EIF5B: variants seen among roughly 807,000 people sequenced by gnomAD.
EIF5B encodes eukaryotic translation initiation factor 5B, also known as eIF-5B.
Under a neutral mutation model 147.5 loss-of-function variants are expected in EIF5B, and 47 were observed. The observed-to-expected ratio is 0.32, with a 90% confidence interval of 0.25 to 0.41. EIF5B has a LOEUF of 0.41. EIF5B is among the 10% of genes least tolerant of loss of function. The pLI, the probability that EIF5B is intolerant of heterozygous loss-of-function variation, is 1.00. For synonymous variants in EIF5B, 455 were observed against 456.2 expected, an observed-to-expected ratio of 1.00 and a Z score of 0.03; for missense variants, 1,064 against 1,413.2, an observed-to-expected ratio of 0.75 and a Z score of 3.96.
At chr2:99,398,663 A>G in intron 22 of EIF5B, 85 bp from the exon 23 acceptor site, 1 of 1,382,412 alleles carries the variant, frequency 7.2e-7, no homozygotes, top group Non-Finnish European at 9.8e-7. Context: ...CTTTTGCTCT[A>G]GTTCTTACTT....
rs748418800 is a variant in EIF5B, at chr2:99,361,120, A to AT, written c.247-22dup. ...TCTGGTCTCAATTATAATTCTGTTAATTTTTTCTAACAATGGAAATTTTTT... is the reference window on the plus strand; with the variant it reads ...TCTGGTCTCAATTATAATTCTGTTAATTTTTTTCTAACAATGGAAATTTTTT... On this transcript the variant is annotated intron_variant, in intron 3 of 23. Transcript: ENST00000289371. 5 of 1,469,592 alleles carry AT rather than the reference A, an allele frequency of 3.4e-6. No homozygotes were observed. In the African/African-American group the frequency reaches 5.8e-5, roughly 17 times the overall value. The allele number at this position is 1,469,592 out of a possible 1,614,324, so 91.0% of individuals were successfully genotyped here. A position where few individuals can be genotyped will look rare whatever the true frequency, so the allele number is the denominator to read the frequency against.
chr2:99,344,473 G>A lies in EIF5B; in HGVS notation c.35+6884G>A, dbSNP rs528653453. Among the ~76,000 whole-genome samples, 6 of 150,856 alleles carry A rather than the reference G, an allele frequency of 4.0e-5. No individual in the cohort carries two copies. In the South Asian group the frequency reaches 1.3e-3, roughly 32 times the overall value. On this transcript the variant is annotated intron_variant, in intron 1 of 23. Transcript: ENST00000289371. ...TTTTTTTGAGACGAAGTCTCACTCT[G>A]TCACCCAGGCTGGAGTACAGTGGTG...
At chr2:99,339,819 G>T (rs1255010339) in intron 1 of EIF5B, among the ~76,000 whole-genome samples, 2 of 152,136 alleles carry the variant, frequency 1.3e-5, no homozygotes, top group African/African-American at 2.4e-5. Context: ...ATGCTGTAAA[G>T]TTTAAATTGC....
At chr2:99,369,288 T>C in intron 7 of EIF5B, 104 bp from the exon 8 acceptor site, 4 of 790,844 alleles carry the variant, frequency 5.1e-6, no homozygotes, top group Non-Finnish European at 7.4e-6. Context: ...AAATAAAAAA[T>C]AAATAGGTTT....
At chr2:99,368,890 G>A (rs1324692893) in intron 7 of EIF5B, among the ~76,000 whole-genome samples, 2 of 152,192 alleles carry the variant, frequency 1.3e-5, no homozygotes, top group East Asian at 3.8e-4. Flanking sequence ...TTAGCCTTCT[G>A]TGATTTTTGT....
At chr2:99,389,332 A>T (rs1308308006) in intron 14 of EIF5B, among the ~76,000 whole-genome samples, 1 of 152,216 alleles carries the variant, frequency 6.6e-6, no homozygotes, top group East Asian at 1.9e-4. Flanking sequence ...TAGAAAATAT[A>T]TATTTTTTAA....
At chr2:99,375,556 A>G (rs968274975) in intron 9 of EIF5B, among the ~76,000 whole-genome samples, 1 of 152,172 alleles carries the variant, frequency 6.6e-6, no homozygotes, top group African/African-American at 2.4e-5. Flanking sequence ...CTCCCAATGC[A>G]GCTTAGCCTT....
intron 21 of EIF5B, among the ~76,000 whole-genome samples, chr2:99,395,108 A>T (rs1260283136): frequency 6.6e-6 from 1 of 152,214 alleles, no homozygotes; most frequent in African/African-American, 2.4e-5. Flanking sequence ...ATCTTGGCAG[A>T]CTTGGGTCTT....
At chr2:99,395,902 C>G (rs1417141467) in intron 21 of EIF5B, among the ~76,000 whole-genome samples, 2 of 152,128 alleles carry the variant, frequency 1.3e-5, no homozygotes, top group Non-Finnish European at 2.9e-5. Context: ...AAGGATCTTA[C>G]AGGCCATGGG....
intron 1 of EIF5B, among the ~76,000 whole-genome samples, chr2:99,352,732 C>T (rs969112330): frequency 1.3e-4 from 19 of 151,946 alleles, no homozygotes; most frequent in Admixed American, 9.2e-4. Context: ...CCACCCACCT[C>T]CCAAAGCGCT....
intron 4 of EIF5B, among the ~76,000 whole-genome samples, chr2:99,362,034 TAC>T (rs1251459431): frequency 6.6e-6 from 1 of 152,376 alleles, no homozygotes; most frequent in East Asian, 1.9e-4. Flanking sequence ...ATTATTTATG[TAC>T]AGACTGGAAT....
intron 14 of EIF5B, among the ~76,000 whole-genome samples, chr2:99,384,368 G>C (rs1013440343): frequency 8.5e-5 from 13 of 152,154 alleles, no homozygotes; most frequent in African/African-American, 3.1e-4. Context: ...CTTGCTAACA[G>C]TGTACCTGAT....
At chr2:99,374,578 A>G (rs1028861532) in intron 9 of EIF5B, among the ~76,000 whole-genome samples, 1 of 151,926 alleles carries the variant, frequency 6.6e-6, no homozygotes, top group Non-Finnish European at 1.5e-5. Context: ...CTTTAGTTTT[A>G]TATGTTTACT....
intron 6 of EIF5B, among the ~76,000 whole-genome samples, chr2:99,365,984 C>T (rs1243506872): frequency 6.6e-6 from 1 of 152,190 alleles, no homozygotes; most frequent in Non-Finnish European, 1.5e-5. Flanking sequence ...TAAAAATGTA[C>T]TCTCAGAGAG....
intron 12 of EIF5B, 33 bp from the exon 13 acceptor site, chr2:99,382,126 C>G (rs1320058997): frequency 1.3e-6 from 2 of 1,593,266 alleles, no homozygotes; most frequent in South Asian, 2.2e-5. Context: ...GTCTGACTTT[C>G]TTAAACTTTG....
intron 15 of EIF5B, 33 bp downstream of exon 15, chr2:99,389,882 A>G (rs766336577): frequency 5.1e-6 from 8 of 1,583,436 alleles, no homozygotes; most frequent in African/African-American, 2.7e-5. Flanking sequence ...TGAAGAGCCT[A>G]TCTCAGAATA....
intron 17 of EIF5B, among the ~76,000 whole-genome samples, chr2:99,391,386 G>C (rs1029939450): frequency 1.3e-5 from 2 of 152,152 alleles, no homozygotes; most frequent in Non-Finnish European, 2.9e-5. Context: ...TCAAGGGTCA[G>C]CTGTAGTTTT....
intron 18 of EIF5B, among the ~76,000 whole-genome samples, chr2:99,393,536 T>C (rs1004202061): frequency 6.6e-6 from 1 of 152,200 alleles, no homozygotes; most frequent in Non-Finnish European, 1.5e-5. Context: ...TATATTCTTT[T>C]TGGCCCATGT....
intron 6 of EIF5B, among the ~76,000 whole-genome samples, chr2:99,366,709 AT>A (rs1674336180): frequency 6.6e-6 from 1 of 152,214 alleles, no homozygotes; most frequent in Non-Finnish European, 1.5e-5. Flanking sequence ...AAATCACAGC[AT>A]GGTATTTTGT....
Sources: allele counts gnomAD v4.1 joint callset (sites outside exome capture counted in the v4.1 genomes callset), GRCh38; gene constraint gnomAD v4.1.1; transcripts MANE v1.5; gene names NCBI Gene and HGNC (gene_info 2026-07-23, HGNC 2026-07-21).